ERP44: variants seen among roughly 807,000 people sequenced by gnomAD.
ERP44 encodes endoplasmic reticulum protein 44, also known as endoplasmic reticulum resident protein 44.
A neutral mutation model predicts 53.4 loss-of-function variants in ERP44; 25 were observed. That is an observed-to-expected ratio of 0.47 (90% CI 0.34 to 0.65). The LOEUF is 0.65. Ranked by LOEUF, ERP44 falls within the 30% of genes least tolerant of loss-of-function variation. The pLI is 0.01. For synonymous variants in ERP44, 145 were observed against 161.2 expected, an observed-to-expected ratio of 0.90 and a Z score of 0.76; for missense variants, 338 against 493.2, an observed-to-expected ratio of 0.69 and a Z score of 2.98.
At chr9:100,066,709 C>G (rs73505717) in intron 1 of ERP44, among the ~76,000 whole-genome samples, 29,385 of 152,148 alleles carry the variant, frequency 0.19, 4,570 homozygotes, top group African/African-American at 0.43. Context: ...GGGACCACTT[C>G]CCTGACTCCA....
intron 1 of ERP44, among the ~76,000 whole-genome samples, chr9:100,068,623 G>C (rs1425247272): frequency 6.9e-6 from 1 of 144,732 alleles, no homozygotes; most frequent in Admixed American, 6.7e-5. Flanking sequence ...AGGTGGGGGG[G>C]TCAGCCCCCC....
intron 4 of ERP44, among the ~76,000 whole-genome samples, chr9:100,033,822 G>A (rs78035923): frequency 0.043 from 6,478 of 152,190 alleles, 224 homozygotes; most frequent in Middle Eastern, 0.12. Flanking sequence ...AATGGCCCTC[G>A]ACATATCAAT....
chr9:100,010,901 C>CAAA (rs200594567), intron 8 of ERP44, among the ~76,000 whole-genome samples: 4 of 117,728 alleles, frequency 3.4e-5, no homozygotes, highest in South Asian at 5.3e-4. Flanking sequence ...AACTCCATCT[C>CAAA]AAAAAAAAAA....
chr9:100,070,937 G>A (rs1238825968), intron 1 of ERP44, among the ~76,000 whole-genome samples: 1 of 152,092 alleles, frequency 6.6e-6, no homozygotes, highest in Non-Finnish European at 1.5e-5. Flanking sequence ...AAGTGAGACA[G>A]GGACAGAAAC....
At chr9:100,086,053 A>G (rs1016777793) in intron 1 of ERP44, among the ~76,000 whole-genome samples, 1 of 152,232 alleles carries the variant, frequency 6.6e-6, no homozygotes, top group African/African-American at 2.4e-5. Flanking sequence ...CATTTTCCAT[A>G]TACCTAGTCA....
At chr9:100,061,528 G>A (rs916649702) in intron 1 of ERP44, among the ~76,000 whole-genome samples, 4 of 137,634 alleles carry the variant, frequency 2.9e-5, no homozygotes, top group South Asian at 2.2e-4. Flanking sequence ...TTATAGAAAC[G>A]TATATATTTA....
intron 4 of ERP44, among the ~76,000 whole-genome samples, chr9:100,050,515 C>T (rs1375566292): frequency 6.6e-6 from 1 of 152,080 alleles, no homozygotes; most frequent in Non-Finnish European, 1.5e-5. Flanking sequence ...TCTTCCAGTC[C>T]AAAACCTCTA....
At chr9:100,060,075 A>G in intron 2 of ERP44, 25 bp downstream of exon 2, 1 of 1,416,346 alleles carries the variant, frequency 7.1e-7, no homozygotes, top group Non-Finnish European at 9.3e-7. Flanking sequence ...GAAAGAGTAC[A>G]CTTTAAAAAT....
intron 10 of ERP44, chr9:99,999,088 T>G (rs1187099845): frequency 1.3e-5 from 9 of 687,056 alleles, no homozygotes; most frequent in Non-Finnish European, 1.9e-5. Context: ...CGCACGGCCG[T>G]TCCCACAGCG....
chr9:100,070,754 G>A (rs1345244022), intron 1 of ERP44, among the ~76,000 whole-genome samples: 2 of 152,160 alleles, frequency 1.3e-5, no homozygotes, highest in African/African-American at 2.4e-5. Flanking sequence ...GGCTATAGAG[G>A]AACATCTTGT....
Position 100,080,805 on chromosome 9 carries a change from A to G in ERP44, c.57+17979T>C, listed in dbSNP as rs1410550886. Among the ~76,000 whole-genome samples, 8 of 152,264 alleles carry G rather than the reference A, an allele frequency of 5.3e-5. No homozygotes were observed. The East Asian group carries it at 1.5e-3, about 29-fold the overall frequency. On this transcript the variant is annotated intron_variant, in intron 1 of 11. Transcript: ENST00000262455. The stretch of plus-strand genomic sequence containing the variant: ...TAAAGAGCTATGGAGTTGATCCTCC[A>G]ATGAGCTGCCTTGCAAACGTGGGTA...
intron 1 of ERP44, among the ~76,000 whole-genome samples, chr9:100,082,638 T>C (rs143435224): frequency 1.3e-4 from 19 of 151,844 alleles, no homozygotes; most frequent in Non-Finnish European, 2.4e-4. Context: ...GTGGAACCCA[T>C]AGATACAAAA....
At chr9:100,065,466 G>C (rs1469094551) in intron 1 of ERP44, among the ~76,000 whole-genome samples, 1 of 152,058 alleles carries the variant, frequency 6.6e-6, no homozygotes, top group Non-Finnish European at 1.5e-5. Context: ...ATTCCTAAGA[G>C]AGTCTATAAT....
intron 4 of ERP44, among the ~76,000 whole-genome samples, chr9:100,039,344 G>A (rs1825878568): frequency 6.6e-6 from 1 of 152,128 alleles, no homozygotes; most frequent in African/African-American, 2.4e-5. Flanking sequence ...CATCTCCTCT[G>A]ATGACAATGG....
chr9:100,098,724 T>C, intron 1 of ERP44, 60 bp downstream of exon 1: 5 of 1,417,444 alleles, frequency 3.5e-6, no homozygotes, highest in South Asian at 2.3e-5. Flanking sequence ...GTGTTCCCCC[T>C]GGGCGAGGGC....
At chr9:100,067,380 A>G (rs1826225572) in intron 1 of ERP44, among the ~76,000 whole-genome samples, 2 of 152,104 alleles carry the variant, frequency 1.3e-5, no homozygotes, top group Admixed American at 1.3e-4. Flanking sequence ...TTTGGTGGAG[A>G]CGGGGTTTCG....
intron 4 of ERP44, among the ~76,000 whole-genome samples, chr9:100,039,851 C>A (rs182401333): frequency 6.6e-6 from 1 of 152,074 alleles, no homozygotes; most frequent in African/African-American, 2.4e-5. Flanking sequence ...ACAACTGATA[C>A]CACAGAAATT....
intron 4 of ERP44, among the ~76,000 whole-genome samples, chr9:100,050,090 T>C (rs1826020238): frequency 6.7e-6 from 1 of 149,692 alleles, no homozygotes; most frequent in South Asian, 2.1e-4. Context: ...GATTCACTTA[T>C]ATAAAATTCT....
intron 1 of ERP44, among the ~76,000 whole-genome samples, chr9:100,063,072 T>C (rs1416062091): frequency 6.1e-5 from 1 of 16,298 alleles, no homozygotes; most frequent in African/African-American, 8.8e-4. Context: ...GGACCCTGTC[T>C]CACAAAAAAA....
Sources: allele counts gnomAD v4.1 joint callset (sites outside exome capture counted in the v4.1 genomes callset), GRCh38; gene constraint gnomAD v4.1.1; transcripts MANE v1.5; gene names NCBI Gene and HGNC (gene_info 2026-07-23, HGNC 2026-07-21).